The following BNC2 variants were observed in gnomAD, a reference collection of about 807,000 sequenced individuals.
BNC2 encodes the protein basonuclin zinc finger protein 2.
In BNC2, 20 loss-of-function variants were observed where a neutral mutation model predicts 76.3. The observed-to-expected ratio is 0.26, with a 90% confidence interval of 0.18 to 0.38. The LOEUF is 0.38. Ranked by LOEUF, BNC2 falls within the 10% of genes least tolerant of loss-of-function variation. BNC2 has a pLI of 1.00. For missense variants in BNC2, 1,382 were observed against 1,399.8 expected (o/e 0.99, Z 0.20); for synonymous variants, 582 against 514.8 (o/e 1.13, Z -1.77).
intron 1 of BNC2, among the ~76,000 whole-genome samples, chr9:16,773,521 A>G: frequency 6.6e-6 from 1 of 152,120 alleles, no homozygotes; most frequent in Non-Finnish European, 1.5e-5. Context: ...AGAAAAAAAA[A>G]AAAAAAAGGT....
intron 3 of BNC2, among the ~76,000 whole-genome samples, chr9:16,649,934 T>C (rs7870730): frequency 0.14 from 20,710 of 152,182 alleles, 2,570 homozygotes; most frequent in African/African-American, 0.33. Context: ...TAATCTTGCA[T>C]TTTCAAAGTG....
chr9:16,808,448 A>G (rs1404971354), intron 1 of BNC2, among the ~76,000 whole-genome samples: 2 of 140,722 alleles, frequency 1.4e-5, no homozygotes, highest in African/African-American at 5.3e-5. Context: ...GCCTGAATCT[A>G]TCAATATCCT....
intron 5 of BNC2, among the ~76,000 whole-genome samples, chr9:16,551,844 C>T (rs188135953): frequency 2.6e-5 from 4 of 152,202 alleles, no homozygotes; most frequent in East Asian, 3.9e-4. Context: ...TGCATGAAGG[C>T]TGTGGGCCTC....
At chr9:16,812,818 A>G (rs893166330) in intron 1 of BNC2, among the ~76,000 whole-genome samples, 1 of 152,252 alleles carries the variant, frequency 6.6e-6, no homozygotes, top group Non-Finnish European at 1.5e-5. Context: ...AAAACTGCTA[A>G]TTAACAGGAC....
rs774500854 is a variant in BNC2 at position 16,435,695 on chromosome 9, T to A, written c.2499A>T (p.Lys833Asn). 2 of 1,614,084 alleles carry A rather than the reference T, an allele frequency of 1.2e-6. No individual in the cohort carries two copies. Among genetic ancestry groups the A allele is most frequent in the Non-Finnish European group, 1.7e-6 (2 of 1,180,000 alleles). Reference sequence around the variant, plus strand: ...AACTCTTCTTGCACACATAACAGATTTTGGGGTCTGGGCTAGAACATAGGT... The same window carrying A: ...AACTCTTCTTGCACACATAACAGATATTGGGGTCTGGGCTAGAACATAGGT... ...EGDLCSSPDPKICYVCKKSFK... is the reference protein window; with the variant it reads ...EGDLCSSPDPNICYVCKKSFK... The change falls in exon 6 of 7, where the codon AAA (lysine) becomes AAT (asparagine). Residue 833 changes from lysine (K) to asparagine (N), a missense_variant. Transcript: ENST00000380672.
chr9:16,682,570 A>G (rs527413130), intron 3 of BNC2, among the ~76,000 whole-genome samples: 25 of 152,262 alleles, frequency 1.6e-4, no homozygotes, highest in Admixed American at 1.6e-3. Flanking sequence ...AATTACAGGA[A>G]GCACCTCATT....
chr9:16,760,568 A>G (rs962451918), intron 1 of BNC2, among the ~76,000 whole-genome samples: 5 of 152,166 alleles, frequency 3.3e-5, no homozygotes, highest in Non-Finnish European at 5.9e-5. Context: ...AACTACAGGG[A>G]TATGAATACC....
intron 3 of BNC2, among the ~76,000 whole-genome samples, chr9:16,688,151 C>T (rs1047824915): frequency 6.6e-6 from 1 of 152,138 alleles, no homozygotes; most frequent in Non-Finnish European, 1.5e-5. Context: ...TCTAAAAATA[C>T]ACCACACTCT....
chr9:16,726,370 T>C (rs559146356), intron 3 of BNC2, among the ~76,000 whole-genome samples: 1 of 152,188 alleles, frequency 6.6e-6, no homozygotes, highest in African/African-American at 2.4e-5. Flanking sequence ...CTATTTAGAA[T>C]TGTGTGCTAA....
intron 5 of BNC2, among the ~76,000 whole-genome samples, chr9:16,532,272 T>C (rs1437364112): frequency 6.6e-6 from 1 of 152,046 alleles, no homozygotes; most frequent in African/African-American, 2.4e-5. Flanking sequence ...ATTTTTGTAA[T>C]CTTTGTAATG....
At chr9:16,677,072 T>C (rs1822664909) in intron 3 of BNC2, among the ~76,000 whole-genome samples, 1 of 152,196 alleles carries the variant, frequency 6.6e-6, no homozygotes, top group Non-Finnish European at 1.5e-5. Flanking sequence ...TATGTGAAAA[T>C]TTCAGAAAAA....
chr9:16,555,789 C>T lies in BNC2; in HGVS notation c.434-3024G>A, dbSNP rs527326883. Among the ~76,000 whole-genome samples, 47 of 151,380 alleles carry T rather than the reference C, an allele frequency of 3.1e-4. No individual in the cohort carries two copies. The South Asian group carries it at 9.8e-3, about 32-fold the overall frequency. On this transcript the variant is annotated intron_variant, in intron 4 of 6. Transcript: ENST00000380672. ...TCCAGCCTGGGCAACAGAGTGAGAC[C>T]CTGTCTCAAAAAAAAAGAAAAAAGT... is the stretch of plus-strand genomic sequence containing the variant.
At chr9:16,508,662 T>C (rs1822685622) in intron 5 of BNC2, among the ~76,000 whole-genome samples, 1 of 152,192 alleles carries the variant, frequency 6.6e-6, no homozygotes, top group African/African-American at 2.4e-5. Flanking sequence ...TGGCTCTTTA[T>C]GCCCAGAGGC....
intron 3 of BNC2, among the ~76,000 whole-genome samples, chr9:16,693,201 C>T (rs953841583): frequency 1.1e-4 from 16 of 151,652 alleles, no homozygotes; most frequent in Non-Finnish European, 2.2e-4. Flanking sequence ...GCATATCTGC[C>T]CCTCCTGCAA....
chr9:16,515,985 A>G (rs1161026718), intron 5 of BNC2, among the ~76,000 whole-genome samples: 2 of 152,056 alleles, frequency 1.3e-5, no homozygotes, highest in Non-Finnish European at 2.9e-5. Flanking sequence ...TAAAAGGAAG[A>G]AGTCTTCTGC....
At chr9:16,582,273 A>T (rs1202047970) in intron 4 of BNC2, among the ~76,000 whole-genome samples, 1 of 152,088 alleles carries the variant, frequency 6.6e-6, no homozygotes, top group Non-Finnish European at 1.5e-5. Flanking sequence ...ATAAACATAA[A>T]CCATACACAG....
At chr9:16,810,482 G>A (rs1431354493) in intron 1 of BNC2, among the ~76,000 whole-genome samples, 1 of 152,230 alleles carries the variant, frequency 6.6e-6, no homozygotes, top group East Asian at 1.9e-4. Context: ...ATGACAATGA[G>A]TCTGTGAAAC....
At chr9:16,814,554 CCAAA>C (rs1244434307) in intron 1 of BNC2, among the ~76,000 whole-genome samples, 2 of 152,054 alleles carry the variant, frequency 1.3e-5, no homozygotes, top group African/African-American at 2.4e-5. Context: ...GCATGCAAAC[CCAAA>C]CAAAGAGATC....
chr9:16,810,357 T>A (rs1366641489), intron 1 of BNC2, among the ~76,000 whole-genome samples: 1 of 152,142 alleles, frequency 6.6e-6, no homozygotes, highest in Admixed American at 6.5e-5. Context: ...GTCTTCAGCC[T>A]TGCAAAACCA....
Sources: gnomAD v4.1 joint callset for allele counts (sites outside exome capture counted in the v4.1 genomes callset) on GRCh38, gnomAD v4.1.1 for gene constraint, MANE v1.5 for transcripts, NCBI Gene and HGNC (gene_info 2026-07-23, HGNC 2026-07-21) for gene names.